The following VPS16 variants were observed in gnomAD, a reference collection of about 807,000 sequenced individuals.
VPS16 encodes the protein vacuolar protein sorting-associated protein 16 homolog.
VPS16 carries 82 observed loss-of-function variants against 116.0 expected under a neutral mutation model. The observed-to-expected ratio is 0.71, with a 90% confidence interval of 0.59 to 0.85. VPS16 has a LOEUF of 0.85. Among genes scored for constraint, VPS16 ranks in the 40% least tolerant of loss-of-function variants. The pLI, the probability that VPS16 is intolerant of heterozygous loss-of-function variation, is 0.00. For synonymous variants in VPS16, 406 were observed against 420.7 expected (o/e 0.96, Z 0.43); for missense variants, 928 against 1,090.6 (o/e 0.85, Z 2.10).
chr20:2,864,200 T>A lies in VPS16; in HGVS notation c.1633T>A (p.Ser545Thr). ...ACAGCTGCTGGAGTATGAGCCACGC[T>A]CAGGGGAGCAGGTACCCCTTCTCCT... ...AIKLLEYEPR[S>T]GEQVPLLLKM... Residue 545 changes from serine (S) to threonine (T), a missense_variant, in exon 17 of 24, where the codon TCA (serine) becomes ACA (threonine). Coordinates refer to ENST00000380445, the MANE Select transcript of VPS16 (RefSeq NM_022575.4). The surrounding 1 kb of genome is among the most constrained non-coding windows in gnomAD (Gnocchi z 5.2). 6.2e-7 allele frequency: 1 copy of A among 1,614,176 alleles called. No individual in the cohort carries two copies. The highest frequency in any genetic ancestry group is 8.5e-7 in the Non-Finnish European group (1 of 1,180,034).
Position 2,850,047 on chromosome 20 carries a change from T to C in VPS16, c.53+9220T>C, listed in dbSNP as rs187969099. On this transcript the variant is annotated intron_variant, in intron 1 of 23. Transcript: ENST00000380445. ...TTAATATAAAGAATTATTGGCCTGG[T>C]GTGGGGGCTCATGCCTGTAATCCCA... 2.2e-4 allele frequency among the ~76,000 whole-genome samples: 33 copies of C among 152,282 alleles called. 1 individual carries two copies. In the East Asian group the frequency reaches 5.8e-3, roughly 27 times the overall value.
Position 2,865,076 on chromosome 20 carries a change from A to G in VPS16, c.2004+21A>G, listed in dbSNP as rs781526037. 2.5e-6 allele frequency: 4 copies of G among 1,614,138 alleles called. No individual in the cohort carries two copies. The highest frequency in any genetic ancestry group is 1.6e-4 in the Middle Eastern group (1 of 6,062). On this transcript the variant is annotated intron_variant, in intron 20 of 23. Transcript: ENST00000380445. The surrounding 1 kb of genome is among the most constrained non-coding windows in gnomAD (Gnocchi z 5.2). Reference sequence around the variant, plus strand: ...CCAAGGTTTGGCCCACCTTTTTCCAAGAGCCTCCTCGTCTCCTGGTCTTCC... The same window carrying G: ...CCAAGGTTTGGCCCACCTTTTTCCAGGAGCCTCCTCGTCTCCTGGTCTTCC...
chr20:2,853,766 G>A (rs535190163), intron 1 of VPS16, among the ~76,000 whole-genome samples: 6 of 152,064 alleles, frequency 3.9e-5, no homozygotes, highest in South Asian at 4.2e-4. Flanking sequence ...TCCGTCTCCC[G>A]GGTTCAAGCG....
At chr20:2,857,445 A>T (rs1390936408) in intron 1 of VPS16, among the ~76,000 whole-genome samples, 1 of 151,924 alleles carries the variant, frequency 6.6e-6, no homozygotes, top group Non-Finnish European at 1.5e-5. Flanking sequence ...CATTAGATGT[A>T]TCATTTGATA....
intron 1 of VPS16, among the ~76,000 whole-genome samples, chr20:2,844,901 G>A (rs1323797755): frequency 1.3e-5 from 2 of 152,106 alleles, no homozygotes; most frequent in Non-Finnish European, 2.9e-5. Context: ...CCTTCGTGTA[G>A]GGGTCACACG....
Position 2,862,149 on chromosome 20 carries a change from C to A in VPS16, c.1071+19C>A. 6.2e-7 allele frequency: 1 copy of A among 1,609,526 alleles called. No homozygotes were observed. On this transcript the variant is annotated intron_variant, in intron 11 of 23. Transcript: ENST00000380445. ...GTATGAGGTAAAGCCCTGGGCTTCT[C>A]TCCCAGTCCCAGAATGGTTCCTCCT...
intron 1 of VPS16, among the ~76,000 whole-genome samples, chr20:2,845,545 T>C (rs2089050287): frequency 6.6e-6 from 1 of 151,870 alleles, no homozygotes; most frequent in East Asian, 1.9e-4. Flanking sequence ...GTCAGCTGTG[T>C]GTAGTGGCAC....
At chr20:2,844,954 A>T (rs1245543421) in intron 1 of VPS16, among the ~76,000 whole-genome samples, 4 of 151,258 alleles carry the variant, frequency 2.6e-5, no homozygotes, top group Non-Finnish European at 5.9e-5. Flanking sequence ...GAACGATGGG[A>T]AGCCTCAATT....
In VPS16 at chr20:2,865,800, C is replaced by T. The variant is rs902332642; in HGVS notation, c.2271+305C>T. The T allele has an allele frequency of 1.4e-5, 7 of 483,462 alleles. No individual in the cohort carries two copies. In the Admixed American group the frequency reaches 1.5e-4, roughly 10 times the overall value. 29.9% of individuals were successfully genotyped at this position (483,462 alleles called of 1,614,324 possible). On this transcript the variant is annotated intron_variant, in intron 22 of 23. Transcript: ENST00000380445. The surrounding 1 kb of genome is among the most constrained non-coding windows in gnomAD (Gnocchi z 5.2). ...TCTTGTCTGAGGAGGGTGGAGGGGG[C>T]ACAGGGAGGGTGCATATGGGAGGCA... is the stretch of plus-strand genomic sequence containing the variant.
chr20:2,860,785 C>A lies in VPS16; in HGVS notation c.552C>A (p.Cys184Ter). The change falls in exon 6 of 24, where the codon TGC becomes TGA. Residue 184 changes from cysteine to a stop codon, truncating the protein, a stop_gained. Coordinates refer to ENST00000380445, the MANE Select transcript of VPS16 (RefSeq NM_022575.4). LOFTEE classifies it high-confidence loss of function. The surrounding 1 kb of genome is among the most constrained non-coding windows in gnomAD (Gnocchi z 6.1). Reference sequence around the variant, plus strand: ...CACCCTCCTGCTGGACTGTGCTGTGCCAGGACCGAGTGGCACACATTCTTC... The same window carrying A: ...CACCCTCCTGCTGGACTGTGCTGTGACAGGACCGAGTGGCACACATTCTTC... ...QSAPSCWTVL[C>*]QDRVAHILLA... 1 of 1,614,006 alleles carries A rather than the reference C, an allele frequency of 6.2e-7. No homozygotes were observed. The highest frequency in any genetic ancestry group is 8.5e-7 in the Non-Finnish European group (1 of 1,180,030).
Position 2,863,333 on chromosome 20 carries a change from G to T in VPS16, c.1411G>T (p.Glu471Ter), listed in dbSNP as rs370389247. 2 of 1,614,082 alleles carry T rather than the reference G, an allele frequency of 1.2e-6. No homozygotes were observed. The highest frequency in any genetic ancestry group is 2.2e-5 in the East Asian group (1 of 44,890). Residue 471 changes from glutamate (E) to a stop codon, truncating the protein, a stop_gained, in exon 15 of 24, where the codon GAG becomes TAG. Coordinates refer to ENST00000380445, the MANE Select transcript of VPS16 (RefSeq NM_022575.4). LOFTEE classifies it high-confidence loss of function. The surrounding 1 kb of genome is among the most constrained non-coding windows in gnomAD (Gnocchi z 4.4). ...RLYPLAIQICEYLRLPEVQGV... is the reference protein window; with the variant it reads ...RLYPLAIQIC Reference sequence around the variant, plus strand: ...TTACCCCCTGGCCATCCAGATATGCGAGTACTTGCGCCTTCCTGAAGTACA... The same window carrying T: ...TTACCCCCTGGCCATCCAGATATGCTAGTACTTGCGCCTTCCTGAAGTACA...
Position 2,864,860 on chromosome 20 carries a change from A to G in VPS16, c.1927-118A>G. On this transcript the variant is annotated intron_variant, in intron 19 of 23. Coordinates refer to ENST00000380445, the MANE Select transcript of VPS16 (RefSeq NM_022575.4). This position sits in a 1 kb window ranked among gnomAD's most constrained non-coding sequence, Gnocchi z 5.2. ...AGGACATCAGAGTGGTGCACCTAGC[A>G]GGCAAGGCTGACCCTGGCGACCCTG... The G allele has an allele frequency of 7.3e-7, 1 of 1,368,094 alleles. No homozygotes were observed. Among genetic ancestry groups the G allele is most frequent in the Non-Finnish European group, 1.0e-6 (1 of 972,272 alleles). 84.7% of individuals were successfully genotyped at this position (1,368,094 alleles called of 1,614,324 possible).
Position 2,859,810 on chromosome 20 carries a change from A to G in VPS16, c.142+3A>G. The stretch of plus-strand genomic sequence containing the variant: ...TGCACCCTATGGGGGCCCCATTGGT[A>G]TGTTGCCCCTCCACCACCACCTGCT... On this transcript the variant is annotated splice_donor_region_variant and intron_variant, in intron 2 of 23. Coordinates refer to ENST00000380445, the MANE Select transcript of VPS16 (RefSeq NM_022575.4). The G allele has an allele frequency of 1.2e-6, 2 of 1,605,620 alleles. No homozygotes were observed. Among genetic ancestry groups the G allele is most frequent in the Non-Finnish European group, 1.7e-6 (2 of 1,177,604 alleles).
In VPS16 at chr20:2,860,734, T is replaced by A. The variant is rs776776290; in HGVS notation, c.515-14T>A. On this transcript the variant is annotated splice_polypyrimidine_tract_variant and intron_variant, in intron 5 of 23. Coordinates refer to ENST00000380445, the MANE Select transcript of VPS16 (RefSeq NM_022575.4). This position sits in a 1 kb window ranked among gnomAD's most constrained non-coding sequence, Gnocchi z 6.1. ...CCTTGGTCATCCTAACACTGTCCTT[T>A]TCCCTGGCCATAGGTCTGCAAAGTG... is the stretch of plus-strand genomic sequence containing the variant. The A allele has an allele frequency of 6.2e-7, 1 of 1,613,730 alleles. No individual in the cohort carries two copies. The highest frequency in any genetic ancestry group is 2.2e-5 in the East Asian group (1 of 44,870).
chr20:2,848,014 C>G (rs2089079016), intron 1 of VPS16, among the ~76,000 whole-genome samples: 1 of 152,082 alleles, frequency 6.6e-6, no homozygotes, highest in South Asian at 2.1e-4. Context: ...ATCCTTTGTC[C>G]TTTGGTTACC....
Position 2,860,115 on chromosome 20 carries a change from A to T in VPS16, c.204A>T (p.Ile68=). ...CTAGTGTGAGGCCAGTGCTCGATAT[A>T]TACTCTGCTTCCGGCATGCCTCTGG... ...KAASVRPVLD[I]YSASGMPLAS... is the part of the protein sequence containing the mutation. Residue 68 remains isoleucine (I), a synonymous_variant, in exon 3 of 24, where the codon ATA becomes ATT. Transcript: ENST00000380445. This position sits in a 1 kb window ranked among gnomAD's most constrained non-coding sequence, Gnocchi z 6.1. 1 of 1,614,014 alleles carries T rather than the reference A, an allele frequency of 6.2e-7. No individual in the cohort carries two copies. Among genetic ancestry groups the T allele is most frequent in the Non-Finnish European group, 8.5e-7 (1 of 1,180,006 alleles).
intron 9 of VPS16, 35 bp downstream of exon 9, chr20:2,861,739 G>A: frequency 6.2e-7 from 1 of 1,611,240 alleles, no homozygotes; most frequent in Non-Finnish European, 8.5e-7. Flanking sequence ...GTGGAGAGAG[G>A]GGAGGGGAGG....
chr20:2,866,639 C>A lies in VPS16; in HGVS notation c.*65C>A. The stretch of plus-strand genomic sequence containing the variant: ...CTAGCACCTGGGCTTGGCAGAAGGG[C>A]CATAGTTCATCCAGCTCCTCCCCTA... On this transcript the variant is annotated 3_prime_UTR_variant, in exon 24 of 24. Transcript: ENST00000380445. 1 of 1,592,854 alleles carries A rather than the reference C, an allele frequency of 6.3e-7. No individual in the cohort carries two copies. Among genetic ancestry groups the A allele is most frequent in the South Asian group, 1.1e-5 (1 of 87,862 alleles).
At chr20:2,855,596 A>C (rs1287202043) in intron 1 of VPS16, among the ~76,000 whole-genome samples, 1 of 152,086 alleles carries the variant, frequency 6.6e-6, no homozygotes, top group Non-Finnish European at 1.5e-5. Flanking sequence ...CCAATATAAG[A>C]CTGTTTTGTC....
Sources: gnomAD v4.1 joint callset for allele counts (sites outside exome capture counted in the v4.1 genomes callset) on GRCh38, gnomAD v4.1.1 for gene constraint, Gnocchi (gnomAD v3.1) non-coding constraint, MANE v1.5 for transcripts, NCBI Gene and HGNC (gene_info 2026-07-23, HGNC 2026-07-21) for gene names.